The following TMEM117 variants were observed in gnomAD, a reference collection of about 807,000 sequenced individuals.
TMEM117 encodes transmembrane protein 117.
In TMEM117, 27 loss-of-function variants were observed where a neutral mutation model predicts 52.4. The ratio of observed to expected loss-of-function variants is 0.51; its 90% confidence interval spans 0.38 to 0.71. The LOEUF (loss-of-function observed/expected upper bound fraction) is 0.71. Ranked by LOEUF, TMEM117 falls within the 30% of genes least tolerant of loss-of-function variation. TMEM117 has a pLI of 0.00. For synonymous variants in TMEM117, 215 were observed against 206.3 expected, an observed-to-expected ratio of 1.04 and a Z score of -0.36; for missense variants, 556 against 630.5, an observed-to-expected ratio of 0.88 and a Z score of 1.26.
At chr12:44,328,839 G>A (rs1951230375) in intron 6 of TMEM117, among the ~76,000 whole-genome samples, 2 of 151,960 alleles carry the variant, frequency 1.3e-5, no homozygotes, top group Admixed American at 1.3e-4. Flanking sequence ...CAGTAAACAA[G>A]TCTCTTGTTA....
At chr12:44,300,976 A>G (rs1592677063) in intron 6 of TMEM117, among the ~76,000 whole-genome samples, 1 of 152,186 alleles carries the variant, frequency 6.6e-6, no homozygotes, top group East Asian at 1.9e-4. Flanking sequence ...TTACTTATAT[A>G]AAGGCTATTT....
intron 3 of TMEM117, among the ~76,000 whole-genome samples, chr12:44,093,639 A>T (rs866040546): frequency 6.6e-6 from 1 of 152,110 alleles, no homozygotes; most frequent in Non-Finnish European, 1.5e-5. Flanking sequence ...TTATAAACCA[A>T]TCATCCCAAT....
intron 4 of TMEM117, among the ~76,000 whole-genome samples, chr12:44,185,867 CAT>C (rs1324057747): frequency 1.6e-5 from 2 of 122,070 alleles, no homozygotes; most frequent in Admixed American, 8.3e-5. Flanking sequence ...ACCTAAAAGA[CAT>C]ACACACACAC....
intron 3 of TMEM117, among the ~76,000 whole-genome samples, chr12:43,973,775 C>T (rs1374830142): frequency 6.6e-6 from 1 of 152,182 alleles, no homozygotes; most frequent in Non-Finnish European, 1.5e-5. Flanking sequence ...ATAATTCTTT[C>T]TGGGACACTT....
intron 3 of TMEM117, among the ~76,000 whole-genome samples, chr12:43,985,096 A>G (rs1018861309): frequency 2.6e-5 from 4 of 152,220 alleles, no homozygotes; most frequent in South Asian, 2.1e-4. Context: ...GGAAATGTCC[A>G]TAAGTTCCTA....
intron 3 of TMEM117, among the ~76,000 whole-genome samples, chr12:44,084,694 C>T (rs891505911): frequency 2.0e-5 from 3 of 152,156 alleles, no homozygotes; most frequent in African/African-American, 7.2e-5. Context: ...ACTGGGATCT[C>T]AGGCCCCCAT....
intron 3 of TMEM117, among the ~76,000 whole-genome samples, chr12:44,001,118 T>A (rs1006282384): frequency 6.6e-6 from 1 of 152,170 alleles, no homozygotes; most frequent in African/African-American, 2.4e-5. Flanking sequence ...AAGACAGGCA[T>A]TGGAAGCTTC....
chr12:44,022,911 C>G (rs1013173992), intron 3 of TMEM117, among the ~76,000 whole-genome samples: 5 of 152,124 alleles, frequency 3.3e-5, no homozygotes, highest in Admixed American at 6.5e-5. Context: ...TGGATTACAT[C>G]AATGAGGTCT....
chr12:44,076,043 A>G (rs754841991), intron 3 of TMEM117, among the ~76,000 whole-genome samples: 7 of 152,324 alleles, frequency 4.6e-5, no homozygotes, highest in Non-Finnish European at 8.8e-5. Context: ...AGCTGATGCA[A>G]TCACTGCCGT....
intron 2 of TMEM117, among the ~76,000 whole-genome samples, chr12:43,915,740 TGAA>T (rs1188353833): frequency 6.8e-6 from 1 of 147,668 alleles, no homozygotes; most frequent in African/African-American, 2.5e-5. Context: ...AAAGAAGGAG[TGAA>T]GAAAGAAAAA....
chr12:44,148,442 AAT>A (rs1948675976), intron 4 of TMEM117, among the ~76,000 whole-genome samples: 1 of 152,186 alleles, frequency 6.6e-6, no homozygotes, highest in African/African-American at 2.4e-5. Context: ...TTTTAGAAAA[AAT>A]GTGTTGATTT....
intron 5 of TMEM117, among the ~76,000 whole-genome samples, chr12:44,277,636 G>T (rs1032533323): frequency 4.6e-5 from 7 of 151,744 alleles, no homozygotes; most frequent in Non-Finnish European, 1.0e-4. Flanking sequence ...TGTCTGTCTC[G>T]TAGGGCTGCT....
Position 44,388,169 on chromosome 12 carries a change from A to G in TMEM117, c.1042A>G (p.Ser348Gly), listed in dbSNP as rs1420954475. ...GATATATACAGTGAAAGACTCAGAA[A>G]GTTTAAAAGATTTGAACAGAACCAA... The part of the protein sequence containing the change: ...QKIYTVKDSE[S>G]LKDLNRTKLS... Residue 348 changes from serine to glycine, a missense_variant, in exon 8 of 8, where the codon AGT (serine) becomes GGT (glycine). By Grantham distance (56) the Ser-to-Gly change is moderately conservative. Transcript: ENST00000266534. 6.2e-7 allele frequency: 1 copy of G among 1,613,376 alleles called. No homozygotes were observed. Among genetic ancestry groups the G allele is most frequent in the East Asian group, 2.2e-5 (1 of 44,812 alleles).
At chr12:44,070,585 G>C (rs560070683) in intron 3 of TMEM117, among the ~76,000 whole-genome samples, 1 of 152,226 alleles carries the variant, frequency 6.6e-6, no homozygotes, top group South Asian at 2.1e-4. Context: ...GTCCTGCAGT[G>C]ATCCTCTGGG....
At chr12:44,064,837 A>G (rs978027314) in intron 3 of TMEM117, among the ~76,000 whole-genome samples, 1 of 152,196 alleles carries the variant, frequency 6.6e-6, no homozygotes. Flanking sequence ...ACAGCAGACT[A>G]TAATTAATAA....
At position 43,945,741 on chromosome 12, in the gene TMEM117, A is replaced by C. The variant is rs1365353193; in HGVS notation, c.410+1399A>C. ...TGTGTGTTGAAATAGTTACTGAGAAAGATTTTGATCTATTTTCCCCAATAG... is the reference window on the plus strand; with the variant it reads ...TGTGTGTTGAAATAGTTACTGAGAACGATTTTGATCTATTTTCCCCAATAG... On this transcript the variant is annotated intron_variant, in intron 3 of 7. Transcript: ENST00000266534. Among the ~76,000 whole-genome samples, 4 of 152,328 alleles carry C rather than the reference A, an allele frequency of 2.6e-5. No homozygotes were observed. The East Asian group carries it at 7.7e-4, about 29-fold the overall frequency.
chr12:43,807,143 A>G, the TMEM117 span, among the ~76,000 whole-genome samples: 1 of 151,866 alleles, frequency 6.6e-6, no homozygotes, highest in Non-Finnish European at 1.5e-5. Flanking sequence ...TTTTTTTGGT[A>G]CTGCTTCTCT....
intron 3 of TMEM117, among the ~76,000 whole-genome samples, chr12:44,094,605 C>G (rs543481481): frequency 6.6e-6 from 1 of 152,188 alleles, no homozygotes; most frequent in South Asian, 2.1e-4. Flanking sequence ...TCAATCGACA[C>G]AAATATCCCC....
At chr12:44,372,120 C>G (rs1951872457) in intron 6 of TMEM117, among the ~76,000 whole-genome samples, 1 of 152,246 alleles carries the variant, frequency 6.6e-6, no homozygotes, top group South Asian at 2.1e-4. Context: ...TGATAGACCT[C>G]TGCAGTTATT....
Sources: allele counts gnomAD v4.1 joint callset (sites outside exome capture counted in the v4.1 genomes callset), GRCh38; gene constraint gnomAD v4.1.1; transcripts MANE v1.5; gene names NCBI Gene and HGNC (gene_info 2026-07-23, HGNC 2026-07-21).